The following BANP variants were observed in gnomAD, a reference collection of about 807,000 sequenced individuals.
BANP encodes the protein BTG3 associated nuclear protein, also known as protein BANP.
In BANP, 11 loss-of-function variants were observed where a neutral mutation model predicts 68.1. The observed-to-expected ratio is 0.16, with a 90% CI of 0.10 to 0.27. The LOEUF is 0.27. Ranked by LOEUF, BANP falls within the 10% of genes least tolerant of loss-of-function variation. The pLI, the probability that BANP is intolerant of heterozygous loss-of-function variation, is 1.00. For synonymous variants in BANP, 329 were observed against 303.2 expected (o/e 1.09, Z -0.88); for missense variants, 504 against 722.7 (o/e 0.70, Z 3.47).
chr16:88,058,362 C>A (rs1273675782), intron 11 of BANP, among the ~76,000 whole-genome samples: 1 of 152,316 alleles, frequency 6.6e-6, no homozygotes, highest in South Asian at 2.1e-4. Flanking sequence ...ATGTCAGGCG[C>A]CTTCGTCGAC....
intron 11 of BANP, among the ~76,000 whole-genome samples, chr16:88,063,485 T>TC (rs1400615581): frequency 6.6e-6 from 1 of 152,150 alleles, no homozygotes; most frequent in African/African-American, 2.4e-5. Context: ...AGAAAGTGAG[T>TC]CCCCTCCCAG....
At position 87,993,053 on chromosome 16, in the gene BANP, A is replaced by C. The variant is rs141494519; in HGVS notation, c.362+8794A>C. Among the ~76,000 whole-genome samples the C allele has an allele frequency of 6.8e-3, 1,028 of 152,232 alleles. 9 individuals carry two copies. Among genetic ancestry groups the C allele is most frequent in the African/African-American group, 0.023 (950 of 41,534 alleles). ...AGCATTGGGTCGGTTATTTTGTAGG[A>C]TGTGCCTCTGTTGGAATTTGTCTCC... On this transcript the variant is annotated intron_variant, in intron 4 of 13. Coordinates refer to ENST00000682872, the MANE Select transcript of BANP (RefSeq NM_001386991.1).
rs138797705 is a variant in BANP, at chr16:88,047,856, C to G, written c.1311+9845C>G. Among the ~76,000 whole-genome samples, 86 of 152,360 alleles carry G rather than the reference C, an allele frequency of 5.6e-4. 3 individuals are homozygous for G. The East Asian group carries it at 7.1e-3, about 13-fold the overall frequency. ...CACCCAAATGTTGGGTTTGACTGTG[C>G]TTTCTTTTTACACTGCTATGACTAT... On this transcript the variant is annotated intron_variant, in intron 11 of 13. Coordinates refer to ENST00000682872, the MANE Select transcript of BANP (RefSeq NM_001386991.1).
intron 11 of BANP, among the ~76,000 whole-genome samples, chr16:88,063,662 G>A (rs183740498): frequency 2.8e-4 from 42 of 152,314 alleles, no homozygotes; most frequent in Admixed American, 1.7e-3. Flanking sequence ...TTGGGAAGCC[G>A]TGTTGCTGAT....
chr16:87,968,768 C>T (rs1343000209), intron 1 of BANP, among the ~76,000 whole-genome samples: 2 of 152,110 alleles, frequency 1.3e-5, no homozygotes, highest in Non-Finnish European at 2.9e-5. Context: ...ATCCTAGCAC[C>T]AGTGTTTGAA....
intron 2 of BANP, among the ~76,000 whole-genome samples, chr16:87,978,896 G>A (rs1438770616): frequency 6.6e-6 from 1 of 152,222 alleles, no homozygotes. Flanking sequence ...CTCGGCCCCA[G>A]CTCAGGGCGG....
At chr16:87,954,756 C>T (rs1386455011) in intron 1 of BANP, among the ~76,000 whole-genome samples, 1 of 152,248 alleles carries the variant, frequency 6.6e-6, no homozygotes, top group East Asian at 1.9e-4. Flanking sequence ...TCCTCTGCAT[C>T]TGTCAGGAGT....
chr16:88,076,770 G>C lies in BANP; in HGVS notation c.*109G>C. ...AGGCAGCGGCTGCACGTGTTCTGCT[G>C]AAGTGCGTCTGAAGGCCGCTGCCTC... On this transcript the variant is annotated 3_prime_UTR_variant, in exon 14 of 14. Transcript: ENST00000682872. 1.1e-6 allele frequency: 1 copy of C among 909,940 alleles called. No homozygotes were observed. Among genetic ancestry groups the C allele is most frequent in the African/African-American group, 1.7e-5 (1 of 59,312 alleles). 56.4% of individuals were successfully genotyped at this position (909,940 alleles called of 1,614,324 possible). A position where few individuals can be genotyped will look rare whatever the true frequency, so the allele number is the denominator to read the frequency against.
chr16:88,005,140 G>T (rs1185028899), intron 5 of BANP, among the ~76,000 whole-genome samples: 1 of 152,220 alleles, frequency 6.6e-6, no homozygotes, highest in Non-Finnish European at 1.5e-5. Context: ...GGCCGCAGCT[G>T]TGGTCGCAAG....
intron 4 of BANP, among the ~76,000 whole-genome samples, chr16:87,998,672 G>A (rs116652773): frequency 0.011 from 1,634 of 149,004 alleles, 41 homozygotes; most frequent in African/African-American, 0.039. Context: ...CTCCATGCAT[G>A]CACGTGCGCG....
chr16:88,060,743 G>A (rs1381486295), intron 11 of BANP, among the ~76,000 whole-genome samples: 1 of 152,112 alleles, frequency 6.6e-6, no homozygotes, highest in Admixed American at 6.5e-5. Flanking sequence ...CGGGCTCCCC[G>A]ACCTGCCCTT....
intron 1 of BANP, chr16:87,970,243 C>G (rs2060872635): frequency 6.6e-6 from 1 of 152,178 alleles, no homozygotes; most frequent in Non-Finnish European, 1.5e-5. Context: ...TTCTTCTGGC[C>G]TCTGTATATC....
rs1006925836 is a variant in BANP at position 87,957,763 on chromosome 16, T to C, written c.-69+6248T>C. On this transcript the variant is annotated intron_variant, in intron 1 of 13. Transcript: ENST00000682872. This position sits in a 1 kb window ranked among gnomAD's most constrained non-coding sequence, Gnocchi z 4.3. ...GGTGTGAATGCGCTTCCCGTAAATA[T>C]GGCAGAACGCCTTCACCTTTCACCA... Among the ~76,000 whole-genome samples, 8 of 152,256 alleles carry C rather than the reference T, an allele frequency of 5.3e-5. No individual in the cohort carries two copies. Among genetic ancestry groups the C allele is most frequent in the Admixed American group, 6.5e-5 (1 of 15,294 alleles).
intron 13 of BANP, among the ~76,000 whole-genome samples, chr16:88,075,746 C>CTT (rs34974822): frequency 0.12 from 14,541 of 120,802 alleles, 1,790 homozygotes; most frequent in African/African-American, 0.29. Context: ...TTTTCCTTTA[C>CTT]TTTTTTTTTT....
chr16:87,953,652 C>T (rs976761604), intron 1 of BANP, among the ~76,000 whole-genome samples: 2 of 152,292 alleles, frequency 1.3e-5, no homozygotes, highest in South Asian at 2.1e-4. Context: ...TTGAGTGTTT[C>T]CCTTCCTGTA....
intron 11 of BANP, among the ~76,000 whole-genome samples, chr16:88,063,457 A>C (rs1204368522): frequency 6.6e-6 from 1 of 152,254 alleles, no homozygotes; most frequent in African/African-American, 2.4e-5. Context: ...CATATGAAAC[A>C]ATCCACCAGG....
Position 88,076,715 on chromosome 16 carries a change from C to G in BANP, c.*54C>G, listed in dbSNP as rs1010834320. 2 of 1,481,818 alleles carry G rather than the reference C, an allele frequency of 1.3e-6. No individual in the cohort carries two copies. The highest frequency in any genetic ancestry group is 9.2e-7 in the Non-Finnish European group (1 of 1,090,346). The allele number at this position is 1,481,818 out of a possible 1,614,324, so 91.8% of individuals were successfully genotyped here. A position where few individuals can be genotyped will look rare whatever the true frequency, so the allele number is the denominator to read the frequency against. On this transcript the variant is annotated 3_prime_UTR_variant, in exon 14 of 14. Transcript: ENST00000682872. ...GCCGGCTCCGCCTACGGCCCGGCCC[C>G]CACGCGCCCTGCTCTCACGGCCTCG...
intron 6 of BANP, among the ~76,000 whole-genome samples, chr16:88,011,296 C>G (rs551261467): frequency 7.2e-5 from 11 of 152,218 alleles, no homozygotes; most frequent in East Asian, 1.9e-4. Context: ...CCACCTCCCC[C>G]ACCCTGAAAG....
intron 4 of BANP, among the ~76,000 whole-genome samples, chr16:87,995,366 C>T (rs73244809): frequency 0.013 from 2,043 of 152,212 alleles, 38 homozygotes; most frequent in African/African-American, 0.046. Flanking sequence ...TATTTGGCCC[C>T]GGTCCTTGTG....
Sources: gnomAD v4.1 joint callset for allele counts (sites outside exome capture counted in the v4.1 genomes callset) on GRCh38, gnomAD v4.1.1 for gene constraint, Gnocchi (gnomAD v3.1) non-coding constraint, MANE v1.5 for transcripts, NCBI Gene and HGNC (gene_info 2026-07-23, HGNC 2026-07-21) for gene names.